PRELID2: variants seen among roughly 807,000 people sequenced by gnomAD.
PRELID2 encodes PRELI domain-containing protein 2.
PRELID2 carries 25 observed loss-of-function variants against 28.4 expected under a neutral mutation model. The observed-to-expected ratio is 0.88, with a 90% CI of 0.64 to 1.23. The LOEUF (loss-of-function observed/expected upper bound fraction) is 1.23, where lower values mean the gene tolerates loss of function less well. PRELID2 is among the 50% of genes most tolerant of loss of function. The pLI is 0.00. For missense variants in PRELID2, 201 were observed against 214.4 expected, an observed-to-expected ratio of 0.94 and a Z score of 0.39; for synonymous variants, 76 against 71.6, an observed-to-expected ratio of 1.06 and a Z score of -0.31.
chr5:145,510,072 T>C (rs1000685301), intron 1 of PRELID2, among the ~76,000 whole-genome samples: 2 of 152,198 alleles, frequency 1.3e-5, no homozygotes, highest in Non-Finnish European at 2.9e-5. Flanking sequence ...CAGGGGAGTA[T>C]TATCATTCAA....
At chr5:145,594,865 G>A (rs544297371) in intron 1 of PRELID2, among the ~76,000 whole-genome samples, 130 of 152,146 alleles carry the variant, frequency 8.5e-4, no homozygotes, top group African/African-American at 3.1e-3. Context: ...GGTGGCTCAC[G>A]CCTATAAATC....
chr5:145,307,369 G>A, the PRELID2 span, among the ~76,000 whole-genome samples: 3 of 152,162 alleles, frequency 2.0e-5, no homozygotes, highest in African/African-American at 7.2e-5. Context: ...AAGATCTAGG[G>A]TTGGACAGAG....
intron 1 of PRELID2, among the ~76,000 whole-genome samples, chr5:145,524,413 C>A (rs1170193482): frequency 6.6e-6 from 1 of 152,168 alleles, no homozygotes; most frequent in African/African-American, 2.4e-5. Context: ...AGAGAGGCCT[C>A]AAGAGGATGG....
chr5:145,413,650 ACACATTAT>A, the PRELID2 span, among the ~76,000 whole-genome samples: 18 of 135,304 alleles, frequency 1.3e-4, 1 homozygote, highest in Admixed American at 1.2e-3. Flanking sequence ...ACACACACAC[ACACATTAT>A]TTATTATGTC....
At chr5:145,641,157 C>T (rs1266988387) in intron 1 of PRELID2, among the ~76,000 whole-genome samples, 1 of 152,062 alleles carries the variant, frequency 6.6e-6, no homozygotes, top group Non-Finnish European at 1.5e-5. Flanking sequence ...GTAAATTTGA[C>T]TATTTAAAAC....
the PRELID2 span, among the ~76,000 whole-genome samples, chr5:145,264,315 C>T: frequency 6.6e-6 from 1 of 152,048 alleles, no homozygotes; most frequent in Admixed American, 6.6e-5. Context: ...GGTTTCATAC[C>T]AGGGATGTAG....
chr5:145,785,970 G>A (rs1751967095), intron 5 of PRELID2, among the ~76,000 whole-genome samples: 1 of 152,192 alleles, frequency 6.6e-6, no homozygotes, highest in African/African-American at 2.4e-5. Flanking sequence ...AGCTGTTCAT[G>A]CAATTCATGG....
intron 1 of PRELID2, among the ~76,000 whole-genome samples, chr5:145,523,258 C>T (rs1476948961): frequency 6.6e-6 from 1 of 151,902 alleles, no homozygotes; most frequent in Non-Finnish European, 1.5e-5. Context: ...CAGATGCAAT[C>T]GGAGGAAAAA....
the PRELID2 span, among the ~76,000 whole-genome samples, chr5:145,285,518 G>T: frequency 6.6e-6 from 1 of 152,072 alleles, no homozygotes; most frequent in Non-Finnish European, 1.5e-5. Flanking sequence ...GAACTACTCT[G>T]GTCTGTGGTA....
intron 1 of PRELID2, among the ~76,000 whole-genome samples, chr5:145,560,599 T>C (rs749719111): frequency 3.9e-5 from 6 of 152,228 alleles, no homozygotes; most frequent in Admixed American, 1.3e-4. Flanking sequence ...GGCATGCTAA[T>C]ACAGCCTGTC....
At chr5:145,716,057 A>G (rs1436192620) in intron 1 of PRELID2, among the ~76,000 whole-genome samples, 1 of 151,088 alleles carries the variant, frequency 6.6e-6, no homozygotes, top group Non-Finnish European at 1.5e-5. Context: ...TTTTTTGGCG[A>G]TTTTTTTTTA....
chr5:145,773,698 A>G (rs1181818418), intron 5 of PRELID2, among the ~76,000 whole-genome samples: 5 of 152,256 alleles, frequency 3.3e-5, no homozygotes, highest in South Asian at 2.1e-4. Flanking sequence ...ACTGTGCCCA[A>G]GTGAAAAGCA....
chr5:145,676,265 G>A (rs1377485477), intron 1 of PRELID2, among the ~76,000 whole-genome samples: 2 of 148,176 alleles, frequency 1.3e-5, no homozygotes, highest in Non-Finnish European at 3.0e-5. Flanking sequence ...TTGTTTGTGT[G>A]GCAGTGGCTC....
intron 1 of PRELID2, among the ~76,000 whole-genome samples, chr5:145,742,170 T>TAAA (rs1756837790): frequency 2.6e-5 from 3 of 113,902 alleles, no homozygotes; most frequent in Admixed American, 2.2e-4. Context: ...AATTTATTTA[T>TAAA]TAATTATAAA....
At chr5:145,521,234 C>T (rs540900536) in intron 1 of PRELID2, among the ~76,000 whole-genome samples, 2 of 152,296 alleles carry the variant, frequency 1.3e-5, no homozygotes, top group South Asian at 4.1e-4. Context: ...TAATGAGGCA[C>T]AGTGGGGAGC....
intron 1 of PRELID2, among the ~76,000 whole-genome samples, chr5:145,661,687 A>C (rs546569287): frequency 7.0e-6 from 1 of 142,280 alleles, no homozygotes; most frequent in Non-Finnish European, 1.5e-5. Context: ...AAAAAAAAAA[A>C]AACATGTTAT....
In PRELID2 at chr5:145,835,295, G is replaced by A; in HGVS notation, c.-44C>T. 19 of 1,399,072 alleles carry A rather than the reference G, an allele frequency of 1.4e-5. No individual in the cohort carries two copies. Among genetic ancestry groups the A allele is most frequent in the Non-Finnish European group, 1.7e-5 (17 of 1,012,838 alleles). 86.7% of individuals were successfully genotyped at this position (1,399,072 alleles called of 1,614,324 possible). On this transcript the variant is annotated 5_prime_UTR_variant, in exon 1 of 7. Transcript: ENST00000683046. Reference sequence around the variant, plus strand: ...CCGCGCACCGGCCACGCCTCCGCGAGCTCAGAGCTGCCCAGGGCTCCGCAG... The same window carrying A: ...CCGCGCACCGGCCACGCCTCCGCGAACTCAGAGCTGCCCAGGGCTCCGCAG...
At chr5:145,446,741 T>C in the PRELID2 span, among the ~76,000 whole-genome samples, 1 of 152,086 alleles carries the variant, frequency 6.6e-6, no homozygotes, top group Non-Finnish European at 1.5e-5. Flanking sequence ...GAGGAACAGA[T>C]TGCTGTGCCA....
chr5:145,389,661 T>TA, the PRELID2 span, among the ~76,000 whole-genome samples: 1 of 152,150 alleles, frequency 6.6e-6, no homozygotes, highest in African/African-American at 2.4e-5. Flanking sequence ...GGAGTTGTTC[T>TA]AAAAATCTCT....
Sources: allele counts gnomAD v4.1 joint callset (sites outside exome capture counted in the v4.1 genomes callset), GRCh38; gene constraint gnomAD v4.1.1; transcripts MANE v1.5; gene names NCBI Gene and HGNC (gene_info 2026-07-23, HGNC 2026-07-21).